ZNF462: variants seen among roughly 807,000 people sequenced by gnomAD.
ZNF462 encodes the protein zinc finger protein 462.
ZNF462 carries 10 observed loss-of-function variants against 201.9 expected under a neutral mutation model. The observed-to-expected ratio is 0.05, with a 90% CI of 0.03 to 0.08. The LOEUF is 0.08. Ranked by LOEUF, ZNF462 falls within the 10% of genes least tolerant of loss-of-function variation. The pLI is 1.00. For missense variants in ZNF462, 2,523 were observed against 3,168.3 expected (o/e 0.80, Z 4.89); for synonymous variants, 1,227 against 1,193.3 (o/e 1.03, Z -0.58).
rs1830275531 is a variant in ZNF462 at position 106,928,103 on chromosome 9, T to C, written c.4191T>C (p.Asn1397=). Residue 1397 remains asparagine, a synonymous_variant, in exon 3 of 13, where the codon AAT becomes AAC. Transcript: ENST00000277225. This position sits in a 1 kb window ranked among gnomAD's most constrained non-coding sequence, Gnocchi z 9.3. The stretch of plus-strand genomic sequence containing the variant: ...AAGCATTCCACCCCTGGGCCATGAA[T>C]GGTGATGAGTCAGTGCTACTGGACA... ...HYQAFHPWAM[N]GDESVLLDII... is the part of the protein sequence containing the mutation. 1 of 1,614,046 alleles carries C rather than the reference T, an allele frequency of 6.2e-7. No homozygotes were observed. Among genetic ancestry groups the C allele is most frequent in the Admixed American group, 1.7e-5 (1 of 60,002 alleles).
chr9:106,910,734 C>A (rs1018870334), intron 1 of ZNF462, among the ~76,000 whole-genome samples: 12 of 151,192 alleles, frequency 7.9e-5, no homozygotes, highest in African/African-American at 3.0e-4. Context: ...CCAGCCAAGC[C>A]TTTGTTAGCA....
chr9:106,925,573 C>T lies in ZNF462; in HGVS notation c.1661C>T (p.Pro554Leu). 1 of 1,612,752 alleles carries T rather than the reference C, an allele frequency of 6.2e-7. No homozygotes were observed. The highest frequency in any genetic ancestry group is 8.5e-7 in the Non-Finnish European group (1 of 1,179,388). Residue 554 changes from proline to leucine, a missense_variant, in exon 3 of 13, where the codon CCA (proline) becomes CTA (leucine). Around this residue, in one of 15 missense-constraint regions of ZNF462, gnomAD observed 383 missense variants for 453.4 expected, o/e 0.84. Coordinates refer to ENST00000277225, the MANE Select transcript of ZNF462 (RefSeq NM_021224.6). The surrounding 1 kb of genome is among the most constrained non-coding windows in gnomAD (Gnocchi z 7.9). ...CCACCACCGCCGCCGCCACCACCAC[C>T]ATCACAGCCACAGCCACTGCAGCAG... ...QPPPPPPPPP[P>L]SQPQPLQQPQ...
intron 9 of ZNF462, among the ~76,000 whole-genome samples, chr9:106,980,204 T>C (rs1169605851): frequency 6.6e-6 from 1 of 151,752 alleles, no homozygotes; most frequent in Non-Finnish European, 1.5e-5. Context: ...AGGAACTGTT[T>C]TGCTTGTGTT....
At chr9:106,868,494 C>G (rs188306515) in intron 1 of ZNF462, among the ~76,000 whole-genome samples, 1 of 152,258 alleles carries the variant, frequency 6.6e-6, no homozygotes, top group African/African-American at 2.4e-5. Context: ...ATTTCTCATG[C>G]AGAAATTACC....
Position 107,012,315 on chromosome 9 carries a change from G to A in ZNF462, c.*1285G>A, listed in dbSNP as rs1474935167. The A allele has an allele frequency of 1.4e-5, 2 of 147,950 alleles. No homozygotes were observed. Among genetic ancestry groups the A allele is most frequent in the Non-Finnish European group, 3.0e-5 (2 of 67,680 alleles). 9.2% of individuals were successfully genotyped at this position (147,950 alleles called of 1,614,324 possible). A position where few individuals can be genotyped will look rare whatever the true frequency, so the allele number is the denominator to read the frequency against. On this transcript the variant is annotated 3_prime_UTR_variant, in exon 13 of 13. Coordinates refer to ENST00000277225, the MANE Select transcript of ZNF462 (RefSeq NM_021224.6). ...TGTGTTTTGTTTCTGCTGGCATTGT[G>A]TTTTGTTGGGGGTTTTCATTTATTT...
intron 10 of ZNF462, among the ~76,000 whole-genome samples, chr9:106,995,037 A>T (rs777731038): frequency 1.5e-4 from 23 of 152,126 alleles, no homozygotes; most frequent in Non-Finnish European, 2.5e-4. Flanking sequence ...AATAAGCAAA[A>T]TGTGGTAGCA....
At chr9:106,982,198 T>C (rs1358450627) in intron 9 of ZNF462, among the ~76,000 whole-genome samples, 1 of 152,174 alleles carries the variant, frequency 6.6e-6, no homozygotes, top group Non-Finnish European at 1.5e-5. Context: ...GCCTGGCACT[T>C]TGCTTAGAGC....
intron 1 of ZNF462, among the ~76,000 whole-genome samples, chr9:106,910,183 G>A (rs1829482471): frequency 1.3e-5 from 2 of 151,806 alleles, no homozygotes; most frequent in African/African-American, 2.4e-5. Flanking sequence ...TTCTTCAACT[G>A]CCAGCCTCTC....
At chr9:106,906,136 G>T (rs1829263143) in intron 1 of ZNF462, among the ~76,000 whole-genome samples, 1 of 152,182 alleles carries the variant, frequency 6.6e-6, no homozygotes, top group South Asian at 2.1e-4. Flanking sequence ...GGTAAAGTCG[G>T]AAACTTCTGC....
At chr9:106,987,139 A>G (rs539667427) in intron 10 of ZNF462, among the ~76,000 whole-genome samples, 1 of 152,274 alleles carries the variant, frequency 6.6e-6, no homozygotes, top group South Asian at 2.1e-4. Context: ...ATATGCAAGT[A>G]TCTTTTTCGA....
At chr9:106,949,452 A>G (rs1197913864) in intron 7 of ZNF462, among the ~76,000 whole-genome samples, 2 of 152,358 alleles carry the variant, frequency 1.3e-5, no homozygotes, top group Non-Finnish European at 2.9e-5. Flanking sequence ...AAGATGTGCC[A>G]TCCCATGTTA....
At position 106,980,098 on chromosome 9, in the gene ZNF462, A is replaced by C. The variant is rs374726588; in HGVS notation, c.6833-4088A>C. On this transcript the variant is annotated intron_variant, in intron 9 of 12. Transcript: ENST00000277225. ...TACATGTTTCCTTTCAACTTCTCCAAATACCTTTGCCTGATAGAATTAGAG... is the reference window on the plus strand; with the variant it reads ...TACATGTTTCCTTTCAACTTCTCCACATACCTTTGCCTGATAGAATTAGAG... 5.9e-5 allele frequency among the ~76,000 whole-genome samples: 9 copies of C among 152,236 alleles called. No individual in the cohort carries two copies. The South Asian group carries it at 1.9e-3, about 32-fold the overall frequency.
chr9:106,891,672 CT>C (rs1828583548), intron 1 of ZNF462, among the ~76,000 whole-genome samples: 1 of 152,176 alleles, frequency 6.6e-6, no homozygotes, highest in South Asian at 2.1e-4. Flanking sequence ...CGTGAAATCA[CT>C]TTTGCAAGTT....
chr9:106,943,147 G>GAT (rs1444434488), intron 7 of ZNF462, among the ~76,000 whole-genome samples: 1 of 151,316 alleles, frequency 6.6e-6, no homozygotes, highest in Non-Finnish European at 1.5e-5. Context: ...ACTTGGTTGT[G>GAT]ATACCCCTCC....
Position 106,917,256 on chromosome 9 carries a change from G to A in ZNF462, c.-30-6098G>A, listed in dbSNP as rs1016809958. On this transcript the variant is annotated intron_variant, in intron 1 of 12. Coordinates refer to ENST00000277225, the MANE Select transcript of ZNF462 (RefSeq NM_021224.6). This position sits in a 1 kb window ranked among gnomAD's most constrained non-coding sequence, Gnocchi z 4.5. ...TTTCATTTTAATGATGATTCCAAAG[G>A]TATCTATTAAGAAATAGTACTCCAG... Among the ~76,000 whole-genome samples, 2 of 152,132 alleles carry A rather than the reference G, an allele frequency of 1.3e-5. No homozygotes were observed. Among genetic ancestry groups the A allele is most frequent in the African/African-American group, 2.4e-5 (1 of 41,414 alleles).
chr9:106,886,456 C>T lies in ZNF462; in HGVS notation c.-31+23101C>T, dbSNP rs1021576463. On this transcript the variant is annotated intron_variant, in intron 1 of 12. Coordinates refer to ENST00000277225, the MANE Select transcript of ZNF462 (RefSeq NM_021224.6). This position sits in a 1 kb window ranked among gnomAD's most constrained non-coding sequence, Gnocchi z 4.6. ...GATCCTGGTTTTAAAAATAAAATGC[C>T]AGGATGCCACCCTGAGGATCCAGAC... Among the ~76,000 whole-genome samples, 1 of 152,144 alleles carries T rather than the reference C, an allele frequency of 6.6e-6. No individual in the cohort carries two copies. The highest frequency in any genetic ancestry group is 1.5e-5 in the Non-Finnish European group (1 of 68,026).
At position 106,953,626 on chromosome 9, in the gene ZNF462, G is replaced by A. The variant is rs561564936; in HGVS notation, c.6427+14519G>A. Among the ~76,000 whole-genome samples the A allele has an allele frequency of 5.9e-5, 9 of 151,870 alleles. No homozygotes were observed. In the South Asian group the frequency reaches 6.3e-4, roughly 11 times the overall value. ...CTCCCCTTACATGTACTTGGTTCTC[G>A]TCCTCAGTTCTCTTTGCACTCTCTC... On this transcript the variant is annotated intron_variant, in intron 7 of 12. Coordinates refer to ENST00000277225, the MANE Select transcript of ZNF462 (RefSeq NM_021224.6).
At chr9:106,910,182 T>A (rs1489113581) in intron 1 of ZNF462, among the ~76,000 whole-genome samples, 1 of 152,136 alleles carries the variant, frequency 6.6e-6, no homozygotes, top group Non-Finnish European at 1.5e-5. Context: ...TTTCTTCAAC[T>A]GCCAGCCTCT....
At chr9:106,862,973 C>A, upstream of ZNF462, 1 of 396,024 alleles carries the variant, frequency 2.5e-6, no homozygotes. The surrounding 1 kb of genome is among the most constrained non-coding windows in gnomAD (Gnocchi z 4.2). Flanking sequence ...GTCTTGCTTT[C>A]TCTCTCCCCC....
Sources: gnomAD v4.1 joint callset for allele counts (sites outside exome capture counted in the v4.1 genomes callset) on GRCh38, gnomAD v4.1.1 for gene constraint, gnomAD v4.1.1 regional missense constraint, Gnocchi (gnomAD v3.1) non-coding constraint, MANE v1.5 for transcripts, NCBI Gene and HGNC (gene_info 2026-07-23, HGNC 2026-07-21) for gene names.